SPTY2D1: variants seen among roughly 807,000 people sequenced by gnomAD.
SPTY2D1 encodes SPT2 chromatin protein domain containing 1, also known as protein SPT2 homolog.
In SPTY2D1, 21 loss-of-function variants were observed where a neutral mutation model predicts 64.0. The ratio of observed to expected loss-of-function variants is 0.33; its 90% CI spans 0.23 to 0.47. The LOEUF is 0.47. Ranked by LOEUF, SPTY2D1 falls within the 20% of genes least tolerant of loss-of-function variation. SPTY2D1 has a pLI of 1.00. For synonymous variants in SPTY2D1, 287 were observed against 286.8 expected (o/e 1.00, Z -0.01); for missense variants, 724 against 837.2 (o/e 0.86, Z 1.67).
At chr11:18,619,534 G>A (rs1473346656) in intron 1 of SPTY2D1, among the ~76,000 whole-genome samples, 19 of 151,724 alleles carry the variant, frequency 1.3e-4, no homozygotes, top group East Asian at 3.9e-4. Flanking sequence ...TGAGGCAGGC[G>A]GATCACAAGG....
At chr11:18,622,380 A>C (rs1019777344) in intron 1 of SPTY2D1, among the ~76,000 whole-genome samples, 1 of 151,918 alleles carries the variant, frequency 6.6e-6, no homozygotes, top group Non-Finnish European at 1.5e-5. Context: ...AACATACAAA[A>C]ATTAGCCGGA....
At position 18,612,889 on chromosome 11, in the gene SPTY2D1, C is replaced by T. The variant is rs528336964; in HGVS notation, c.1712-401G>A. ...AAGCAATTCTCCTGCCTCAGCCTCC[C>T]GAGTAGCTGGGATTATAGGCATGTG... On this transcript the variant is annotated intron_variant, in intron 3 of 5. Transcript: ENST00000336349. This position sits in a 1 kb window ranked among gnomAD's most constrained non-coding sequence, Gnocchi z 4.6. Among the ~76,000 whole-genome samples, 8 of 151,964 alleles carry T rather than the reference C, an allele frequency of 5.3e-5. No individual in the cohort carries two copies. Among genetic ancestry groups the T allele is most frequent in the African/African-American group, 9.7e-5 (4 of 41,358 alleles).
rs1457453445 is a variant in SPTY2D1 at position 18,612,833 on chromosome 11, C to T, written c.1712-345G>A. Among the ~76,000 whole-genome samples, 3 of 151,030 alleles carry T rather than the reference C, an allele frequency of 2.0e-5. No homozygotes were observed. The highest frequency in any genetic ancestry group is 4.9e-5 in the African/African-American group (2 of 41,044). The stretch of plus-strand genomic sequence containing the variant: ...AGGCTGGAGTGCAATGGTGCGATCT[C>T]GGCTCACTGCAACCTCTGCCTCCCA... On this transcript the variant is annotated intron_variant, in intron 3 of 5. Transcript: ENST00000336349. This position sits in a 1 kb window ranked among gnomAD's most constrained non-coding sequence, Gnocchi z 4.6.
Position 18,614,582 on chromosome 11 carries a change from A to T in SPTY2D1, c.1692T>A (p.Ser564=). 6.2e-7 allele frequency: 1 copy of T among 1,610,426 alleles called. No homozygotes were observed. The highest frequency in any genetic ancestry group is 8.5e-7 in the Non-Finnish European group (1 of 1,177,162). The change falls in exon 3 of 6, where the codon TCT becomes TCA. Residue 564 remains serine (S), a synonymous_variant. Coordinates refer to ENST00000336349, the MANE Select transcript of SPTY2D1 (RefSeq NM_194285.3). The part of the protein sequence containing the change: ...GQMNGMKPPL[S]GYRAAQGPQR... The stretch of plus-strand genomic sequence containing the variant: ...TTTTACCTTGGGCAGCTCTGTAGCC[A>T]GATAGGGGAGGCTTCATTCCATTCA...
chr11:18,628,553 G>A (rs1384548390), intron 1 of SPTY2D1, among the ~76,000 whole-genome samples: 1 of 152,178 alleles, frequency 6.6e-6, no homozygotes, highest in Non-Finnish European at 1.5e-5. Flanking sequence ...TAAGGCAGAA[G>A]AACTATCTGG....
chr11:18,634,059 C>T (rs1854629751), intron 1 of SPTY2D1, 139 bp downstream of exon 1: 1 of 929,906 alleles, frequency 1.1e-6, no homozygotes, highest in Non-Finnish European at 1.7e-6. Flanking sequence ...AGAGTATAAA[C>T]CCAAGAAAAG....
intron 1 of SPTY2D1, among the ~76,000 whole-genome samples, chr11:18,630,895 CACTGCAACCTCTGTCTT>C (rs1854576737): frequency 6.6e-6 from 1 of 152,188 alleles, no homozygotes; most frequent in Non-Finnish European, 1.5e-5. Context: ...GATCTCCACT[CACTGCAACCTCTGTCTT>C]ACTGCAACCT....
chr11:18,619,306 A>AT (rs1298016581), intron 1 of SPTY2D1, among the ~76,000 whole-genome samples: 1 of 151,798 alleles, frequency 6.6e-6, no homozygotes, highest in African/African-American at 2.4e-5. Context: ...AAGAAGGTGG[A>AT]TTTTTTTTCA....
chr11:18,610,590 G>A (rs1306573176), intron 5 of SPTY2D1, among the ~76,000 whole-genome samples: 1 of 151,156 alleles, frequency 6.6e-6, no homozygotes, highest in African/African-American at 2.4e-5. Context: ...GCTTGAACCC[G>A]GGGAGGTGGG....
intron 1 of SPTY2D1, among the ~76,000 whole-genome samples, chr11:18,629,480 G>A (rs547412561): frequency 2.6e-5 from 4 of 152,186 alleles, no homozygotes; most frequent in African/African-American, 7.2e-5. Flanking sequence ...TCCAGCCTGG[G>A]CGACAGAGTG....
chr11:18,616,852 A>C, intron 2 of SPTY2D1, 23 bp downstream of exon 2: 1 of 1,603,760 alleles, frequency 6.2e-7, no homozygotes, highest in Non-Finnish European at 8.5e-7. Context: ...TTTAAAATTG[A>C]GAATAAGGCT....
In SPTY2D1 at chr11:18,612,049, C is replaced by T. The variant is rs892386643; in HGVS notation, c.1886+265G>A. On this transcript the variant is annotated intron_variant, in intron 4 of 5. Coordinates refer to ENST00000336349, the MANE Select transcript of SPTY2D1 (RefSeq NM_194285.3). This position sits in a 1 kb window ranked among gnomAD's most constrained non-coding sequence, Gnocchi z 4.6. ...TACTTCTACTACACTAAGCTGCTTC[C>T]ATCTCACTAAATATATATCTTATAA... 2 of 273,250 alleles carry T rather than the reference C, an allele frequency of 7.3e-6. No individual in the cohort carries two copies. The highest frequency in any genetic ancestry group is 4.4e-5 in the African/African-American group (2 of 45,492). 16.9% of individuals were successfully genotyped at this position (273,250 alleles called of 1,614,324 possible). A position where few individuals can be genotyped will look rare whatever the true frequency, so the allele number is the denominator to read the frequency against.
At chr11:18,625,813 C>CTCTT (rs1565162220) in intron 1 of SPTY2D1, among the ~76,000 whole-genome samples, 2 of 133,276 alleles carry the variant, frequency 1.5e-5, no homozygotes, top group Admixed American at 7.2e-5. Context: ...AACTCCAACA[C>CTCTT]TTTCTTTTTT....
At chr11:18,623,288 T>C (rs1173008771) in intron 1 of SPTY2D1, among the ~76,000 whole-genome samples, 2 of 152,162 alleles carry the variant, frequency 1.3e-5, no homozygotes, top group Non-Finnish European at 2.9e-5. Flanking sequence ...CACCATCTGA[T>C]TCCAGAAAAT....
chr11:18,621,323 CAG>C lies in SPTY2D1; in HGVS notation c.61-4336_61-4335del, dbSNP rs72441351. Reference sequence around the variant, plus strand: ...AAGAGTGAAACTCTGTCTCAAAAAACAGAAAAGAAAAGAAAAGAAAAGAAAAG... The same window carrying C: ...AAGAGTGAAACTCTGTCTCAAAAAACAAAAGAAAAGAAAAGAAAAGAAAAG... On this transcript the variant is annotated intron_variant, in intron 1 of 5. Transcript: ENST00000336349. Among the ~76,000 whole-genome samples, 606 of 137,614 alleles carry C rather than the reference CAG, an allele frequency of 4.4e-3. 8 individuals carry two copies. The highest frequency in any genetic ancestry group is 0.016 in the African/African-American group (572 of 36,264). The allele number at this position is 137,614 out of a possible 152,430, so 90.3% of individuals were successfully genotyped here.
At chr11:18,628,642 A>G (rs1463829283) in intron 1 of SPTY2D1, among the ~76,000 whole-genome samples, 1 of 152,212 alleles carries the variant, frequency 6.6e-6, no homozygotes, top group African/African-American at 2.4e-5. Context: ...TGCTTTGTGG[A>G]GTCTGCGTCT....
chr11:18,620,105 A>G (rs528255456), intron 1 of SPTY2D1, among the ~76,000 whole-genome samples: 6 of 152,358 alleles, frequency 3.9e-5, no homozygotes, highest in African/African-American at 4.8e-5. Flanking sequence ...AGTAAGCTTC[A>G]GTCATTTGCA....
In SPTY2D1 at chr11:18,607,631, AAG is replaced by A. The variant is rs1225824859; in HGVS notation, c.*2228_*2229del. On this transcript the variant is annotated 3_prime_UTR_variant, in exon 6 of 6. Transcript: ENST00000336349. ...CTTCAAAGGTTTGTGAGCTTTTTATAAGAGTGGTCAGGAAGTGCAGAAAAACA... is the reference window on the plus strand; with the variant it reads ...CTTCAAAGGTTTGTGAGCTTTTTATAAGTGGTCAGGAAGTGCAGAAAAACA... The A allele has an allele frequency of 6.6e-6, 1 of 152,584 alleles. No individual in the cohort carries two copies. The highest frequency in any genetic ancestry group is 1.5e-5 in the Non-Finnish European group (1 of 68,050). 9.5% of individuals were successfully genotyped at this position (152,584 alleles called of 1,614,324 possible).
At chr11:18,620,228 A>G (rs777915010) in intron 1 of SPTY2D1, among the ~76,000 whole-genome samples, 8 of 152,104 alleles carry the variant, frequency 5.3e-5, no homozygotes, top group Non-Finnish European at 1.2e-4. Flanking sequence ...TAATCCCAGC[A>G]CTTTGGGAGG....
Sources: allele counts gnomAD v4.1 joint callset (sites outside exome capture counted in the v4.1 genomes callset), GRCh38; gene constraint gnomAD v4.1.1; non-coding constraint Gnocchi (gnomAD v3.1); transcripts MANE v1.5; gene names NCBI Gene and HGNC (gene_info 2026-07-23, HGNC 2026-07-21).